The following ROBO1 variants were observed in gnomAD, a reference collection of about 807,000 sequenced individuals.
The protein encoded by ROBO1 is roundabout homolog 1.
ROBO1 carries 149 observed loss-of-function variants against 195.9 expected under a neutral mutation model. That is an observed-to-expected ratio of 0.76 (90% CI 0.67 to 0.87). The LOEUF (loss-of-function observed/expected upper bound fraction) is 0.87. Ranked by LOEUF, ROBO1 falls within the 40% of genes least tolerant of loss-of-function variation. ROBO1 has a pLI of 0.00. For missense variants in ROBO1, 1,933 were observed against 2,068.3 expected, an observed-to-expected ratio of 0.93 and a Z score of 1.27; for synonymous variants, 816 against 733.2, an observed-to-expected ratio of 1.11 and a Z score of -1.82.
chr3:79,577,853 A>T (rs568974227), intron 2 of ROBO1, among the ~76,000 whole-genome samples: 1 of 152,104 alleles, frequency 6.6e-6, no homozygotes, highest in South Asian at 2.1e-4. Flanking sequence ...CAGAGGTTGC[A>T]GTGAGCGGAG....
intron 2 of ROBO1, among the ~76,000 whole-genome samples, chr3:79,376,761 G>C (rs1338161853): frequency 6.6e-6 from 1 of 152,108 alleles, no homozygotes; most frequent in Non-Finnish European, 1.5e-5. Context: ...TTAGCAGCAA[G>C]AGAACAGACT....
At chr3:79,435,457 G>A (rs1211938204) in intron 2 of ROBO1, among the ~76,000 whole-genome samples, 2 of 152,042 alleles carry the variant, frequency 1.3e-5, no homozygotes, top group South Asian at 2.1e-4. Context: ...CTGTATGCAC[G>A]TTATTCATTT....
At chr3:79,575,744 G>T (rs897807136) in intron 2 of ROBO1, among the ~76,000 whole-genome samples, 37 of 151,028 alleles carry the variant, frequency 2.4e-4, no homozygotes, top group Non-Finnish European at 5.0e-4. Flanking sequence ...GATTATTTTT[G>T]TGACATATTT....
At chr3:79,042,410 T>C (rs2078504570) in intron 3 of ROBO1, among the ~76,000 whole-genome samples, 1 of 152,186 alleles carries the variant, frequency 6.6e-6, no homozygotes. Flanking sequence ...AATATTCCGA[T>C]GGCGGTCGCA....
chr3:79,584,660 CAT>C (rs1206490477), intron 2 of ROBO1, among the ~76,000 whole-genome samples: 55 of 141,880 alleles, frequency 3.9e-4, no homozygotes, highest in Middle Eastern at 3.7e-3. Flanking sequence ...CACACACACA[CAT>C]ACACGTACAC....
At chr3:79,072,303 T>G (rs186542019) in intron 3 of ROBO1, among the ~76,000 whole-genome samples, 170 of 152,044 alleles carry the variant, frequency 1.1e-3, no homozygotes, top group African/African-American at 3.9e-3. Context: ...TCAGGTGACA[T>G]ACATGTTAGT....
intron 4 of ROBO1, among the ~76,000 whole-genome samples, chr3:78,921,978 G>T (rs1252179509): frequency 6.6e-6 from 1 of 151,886 alleles, no homozygotes; most frequent in Non-Finnish European, 1.5e-5. Flanking sequence ...GTAGAGATGG[G>T]TTTTTCTTAT....
At chr3:79,528,927 C>T (rs778377162) in intron 2 of ROBO1, among the ~76,000 whole-genome samples, 1 of 152,156 alleles carries the variant, frequency 6.6e-6, no homozygotes, top group East Asian at 1.9e-4. Flanking sequence ...GCCTTCTTGA[C>T]ACATTATTGC....
At chr3:79,255,608 G>C (rs961703057) in intron 2 of ROBO1, among the ~76,000 whole-genome samples, 1 of 152,118 alleles carries the variant, frequency 6.6e-6, no homozygotes, top group Non-Finnish European at 1.5e-5. Flanking sequence ...TAGTGTCACT[G>C]TGTTTTCTCA....
chr3:79,284,936 A>T (rs568874913), intron 2 of ROBO1, among the ~76,000 whole-genome samples: 19 of 152,272 alleles, frequency 1.2e-4, no homozygotes, highest in African/African-American at 4.3e-4. Context: ...GGAAAAAAAA[A>T]AGTACTATTT....
intron 2 of ROBO1, among the ~76,000 whole-genome samples, chr3:79,126,158 A>G (rs1288378177): frequency 6.6e-6 from 1 of 152,146 alleles, no homozygotes; most frequent in Non-Finnish European, 1.5e-5. Context: ...ACTGATATAA[A>G]TTTACTGCAA....
chr3:79,293,924 A>G (rs1280848881), intron 2 of ROBO1, among the ~76,000 whole-genome samples: 5 of 149,844 alleles, frequency 3.3e-5, no homozygotes, highest in Non-Finnish European at 5.9e-5. Flanking sequence ...CGGGCGTGGT[A>G]GCGGGCGCCT....
chr3:79,182,546 T>TGTGC (rs1478056463), intron 2 of ROBO1, among the ~76,000 whole-genome samples: 4 of 148,910 alleles, frequency 2.7e-5, no homozygotes, highest in Non-Finnish European at 6.0e-5. Context: ...GGCACAGGTG[T>TGTGC]GTGTGTGTGT....
At chr3:78,863,885 A>G (rs2035003320) in intron 4 of ROBO1, among the ~76,000 whole-genome samples, 1 of 152,160 alleles carries the variant, frequency 6.6e-6, no homozygotes, top group African/African-American at 2.4e-5. Flanking sequence ...CTGGGATAGT[A>G]TGGAAGAATT....
At chr3:79,522,171 T>C (rs1487542518) in intron 2 of ROBO1, among the ~76,000 whole-genome samples, 55 of 152,162 alleles carry the variant, frequency 3.6e-4, no homozygotes, top group Admixed American at 3.6e-3. Context: ...AATTCTGTAT[T>C]TTAATAACTT....
At chr3:79,679,299 A>T (rs1283949047) in intron 1 of ROBO1, among the ~76,000 whole-genome samples, 3 of 151,966 alleles carry the variant, frequency 2.0e-5, no homozygotes, top group Non-Finnish European at 2.9e-5. Context: ...GTTGTTTTAT[A>T]GCTCCCTCAT....
At position 78,927,221 on chromosome 3, in the gene ROBO1, A is replaced by G. The variant is rs924386330; in HGVS notation, c.499+11380T>C. Among the ~76,000 whole-genome samples, 97 of 152,206 alleles carry G rather than the reference A, an allele frequency of 6.4e-4. 2 individuals are homozygous for G. The highest frequency in any genetic ancestry group is 1.8e-4 in the Non-Finnish European group (12 of 68,046). ...ATGGGCTCCTATTATATTCTTCAATATAGGACAGAACAAAACATTCCTGGA... is the reference window on the plus strand; with the variant it reads ...ATGGGCTCCTATTATATTCTTCAATGTAGGACAGAACAAAACATTCCTGGA... On this transcript the variant is annotated intron_variant, in intron 4 of 30. Transcript: ENST00000464233.
At chr3:79,050,664 A>C (rs893695682) in intron 3 of ROBO1, among the ~76,000 whole-genome samples, 1 of 152,116 alleles carries the variant, frequency 6.6e-6, no homozygotes, top group Non-Finnish European at 1.5e-5. Context: ...TGGAAGTAAA[A>C]CACTCCTCAG....
intron 2 of ROBO1, among the ~76,000 whole-genome samples, chr3:79,494,949 A>G (rs1939650528): frequency 2.6e-5 from 4 of 152,074 alleles, no homozygotes. Context: ...ACCTAATCCA[A>G]TATTTCTACA....
Sources: allele counts gnomAD v4.1 joint callset (sites outside exome capture counted in the v4.1 genomes callset), GRCh38; gene constraint gnomAD v4.1.1; transcripts MANE v1.5; gene names NCBI Gene and HGNC (gene_info 2026-07-23, HGNC 2026-07-21).